The following PCED1B variants were observed in gnomAD, a reference collection of about 807,000 sequenced individuals.
The protein encoded by PCED1B is PC-esterase domain containing 1B, also known as PC-esterase domain-containing protein 1B.
For missense variants in PCED1B, 573 were observed against 573.9 expected, an observed-to-expected ratio of 1.00 and a Z score of 0.02; for synonymous variants, 251 against 246.1, an observed-to-expected ratio of 1.02 and a Z score of -0.19.
At chr12:47,158,264 C>T (rs1421883845) in intron 2 of PCED1B, among the ~76,000 whole-genome samples, 1 of 152,164 alleles carries the variant, frequency 6.6e-6, no homozygotes, top group Non-Finnish European at 1.5e-5. Flanking sequence ...CAACAATGCA[C>T]AAGGGTTCCA....
chr12:47,158,711 A>T (rs1941274511), intron 2 of PCED1B, among the ~76,000 whole-genome samples: 1 of 152,224 alleles, frequency 6.6e-6, no homozygotes. Flanking sequence ...CATAGACTGT[A>T]ATAATCAAGT....
intron 2 of PCED1B, among the ~76,000 whole-genome samples, chr12:47,150,317 T>C (rs1216285467): frequency 2.0e-5 from 3 of 152,070 alleles, no homozygotes; most frequent in African/African-American, 7.2e-5. Flanking sequence ...GGCTCAAGCC[T>C]GTAATCCCAG....
intron 1 of PCED1B, among the ~76,000 whole-genome samples, chr12:47,098,595 G>A (rs1444762253): frequency 1.3e-5 from 2 of 152,146 alleles, no homozygotes; most frequent in African/African-American, 2.4e-5. Flanking sequence ...CCATTCTCCT[G>A]CCTCAGCATC....
At chr12:47,166,978 A>G (rs1009888960) in intron 2 of PCED1B, among the ~76,000 whole-genome samples, 42 of 152,170 alleles carry the variant, frequency 2.8e-4, no homozygotes, top group African/African-American at 9.7e-4. Flanking sequence ...ACGGTATTCC[A>G]TTTTTAGCAA....
At chr12:47,103,786 G>A (rs769473298) in intron 1 of PCED1B, among the ~76,000 whole-genome samples, 31 of 152,106 alleles carry the variant, frequency 2.0e-4, no homozygotes, top group Non-Finnish European at 3.1e-4. Flanking sequence ...GCTCAAAGCC[G>A]TAAGACATCA....
chr12:47,080,756 C>G (rs1176658200), intron 1 of PCED1B, among the ~76,000 whole-genome samples: 1 of 152,172 alleles, frequency 6.6e-6, no homozygotes, highest in Non-Finnish European at 1.5e-5. Flanking sequence ...CCAGAGCAGA[C>G]CTTTTTTTCT....
chr12:47,203,696 C>T (rs1942834320), intron 2 of PCED1B, among the ~76,000 whole-genome samples: 1 of 152,170 alleles, frequency 6.6e-6, no homozygotes, highest in African/African-American at 2.4e-5. Context: ...ACCACATTTT[C>T]ATTATCCAGT....
intron 2 of PCED1B, among the ~76,000 whole-genome samples, chr12:47,115,657 A>G (rs1939387362): frequency 1.3e-5 from 2 of 152,174 alleles, no homozygotes; most frequent in Non-Finnish European, 2.9e-5. Flanking sequence ...GGTGATATGT[A>G]GTCTCCTTAT....
At chr12:47,198,016 T>G (rs1942658361) in intron 2 of PCED1B, among the ~76,000 whole-genome samples, 1 of 152,174 alleles carries the variant, frequency 6.6e-6, no homozygotes, top group Non-Finnish European at 1.5e-5. Flanking sequence ...AAAATAGAAG[T>G]GAAGGAAACA....
At chr12:47,165,942 G>A (rs778727245) in intron 2 of PCED1B, among the ~76,000 whole-genome samples, 1 of 152,150 alleles carries the variant, frequency 6.6e-6, no homozygotes, top group African/African-American at 2.4e-5. Context: ...TTACTGTAGT[G>A]TGATTTCTTT....
chr12:47,217,983 G>A (rs1225795000), intron 3 of PCED1B, among the ~76,000 whole-genome samples: 2 of 152,180 alleles, frequency 1.3e-5, no homozygotes, highest in African/African-American at 4.8e-5. Context: ...TAAATAATAA[G>A]TTAAATGCTT....
chr12:47,096,371 G>GCTTT (rs1201450334), intron 1 of PCED1B, among the ~76,000 whole-genome samples: 2 of 151,336 alleles, frequency 1.3e-5, no homozygotes, highest in Non-Finnish European at 2.9e-5. Context: ...AACTGATGCA[G>GCTTT]CTTTATTTTA....
At chr12:47,192,521 T>C (rs1303075685) in intron 2 of PCED1B, among the ~76,000 whole-genome samples, 2 of 152,184 alleles carry the variant, frequency 1.3e-5, no homozygotes, top group East Asian at 3.8e-4. Flanking sequence ...GAGAGTCCAC[T>C]TTACATAAAA....
chr12:47,189,614 A>T (rs545632688), intron 2 of PCED1B, among the ~76,000 whole-genome samples: 8 of 152,158 alleles, frequency 5.3e-5, no homozygotes, highest in Non-Finnish European at 7.4e-5. Context: ...CTAACATCAA[A>T]TCCAAAACAC....
At chr12:47,130,056 TG>T (rs1940058777) in intron 2 of PCED1B, among the ~76,000 whole-genome samples, 1 of 152,196 alleles carries the variant, frequency 6.6e-6, no homozygotes, top group Non-Finnish European at 1.5e-5. Context: ...GTTTCATATA[TG>T]GGTTTTTTAA....
intron 2 of PCED1B, among the ~76,000 whole-genome samples, chr12:47,204,705 G>A (rs1942864555): frequency 6.6e-6 from 1 of 152,036 alleles, no homozygotes; most frequent in Non-Finnish European, 1.5e-5. Context: ...GACCAGGGGA[G>A]GCAGGTCATG....
chr12:47,234,994 CCTT>C lies in PCED1B; in HGVS notation c.-57-10_-57-8del, dbSNP rs1410330302. ...GGTGAGTCCCTCCCAGCCCTTCTCT[CCTT>C]CTGTCCTAGCCATCCGCAGAGCCAT... On this transcript the variant is annotated splice_polypyrimidine_tract_variant and intron_variant, in intron 3 of 3. Coordinates refer to ENST00000546455, the MANE Select transcript of PCED1B (RefSeq NM_138371.3). The C allele has an allele frequency of 7.8e-6, 11 of 1,415,154 alleles. No homozygotes were observed. Among genetic ancestry groups the C allele is most frequent in the East Asian group, 2.4e-5 (1 of 42,526 alleles). 87.7% of individuals were successfully genotyped at this position (1,415,154 alleles called of 1,614,324 possible).
At chr12:47,103,053 G>A (rs957090016) in intron 1 of PCED1B, among the ~76,000 whole-genome samples, 2 of 151,972 alleles carry the variant, frequency 1.3e-5, no homozygotes, top group African/African-American at 4.8e-5. Flanking sequence ...ACACATACTC[G>A]GTGGAGTATC....
At chr12:47,144,058 T>C (rs1940695481) in intron 2 of PCED1B, among the ~76,000 whole-genome samples, 2 of 152,164 alleles carry the variant, frequency 1.3e-5, no homozygotes, top group South Asian at 4.1e-4. Context: ...CTTTGAAATC[T>C]AGGTGAAAGA....
Sources: allele counts gnomAD v4.1 joint callset (sites outside exome capture counted in the v4.1 genomes callset), GRCh38; gene constraint gnomAD v4.1.1; transcripts MANE v1.5; gene names NCBI Gene and HGNC (gene_info 2026-07-23, HGNC 2026-07-21).